Variants in CLDN10 observed in about 807,000 individuals in gnomAD.
The protein encoded by CLDN10 is claudin 10, also known as claudin-10.
A neutral mutation model predicts 22.9 loss-of-function variants in CLDN10; 15 were observed. The observed-to-expected ratio is 0.65, with a 90% CI of 0.44 to 1.01. The LOEUF (loss-of-function observed/expected upper bound fraction) is 1.01. Among genes scored for constraint, CLDN10 ranks in the 50% least tolerant of loss-of-function variants. CLDN10 has a pLI of 0.00. For synonymous variants in CLDN10, 114 were observed against 111.4 expected, an observed-to-expected ratio of 1.02 and a Z score of -0.15; for missense variants, 247 against 287.8, an observed-to-expected ratio of 0.86 and a Z score of 1.03.
chr13:95,573,631 T>C (rs760685127), intron 3 of CLDN10, among the ~76,000 whole-genome samples: 7 of 152,218 alleles, frequency 4.6e-5, no homozygotes, highest in Non-Finnish European at 8.8e-5. Flanking sequence ...CTGGAGTGGA[T>C]ATTATGTTCA....
At position 95,552,953 on chromosome 13, in the gene CLDN10, C is replaced by T. The variant is rs576857690; in HGVS notation, c.200C>T (p.Pro67Leu). 2 of 1,613,914 alleles carry T rather than the reference C, an allele frequency of 1.2e-6. No homozygotes were observed. Among genetic ancestry groups the T allele is most frequent in the Non-Finnish European group, 1.7e-6 (2 of 1,179,978 alleles). ...GGCGTCTCCAACTGCAAGGACTTCC[C>T]CTCCATGCTGGCGCTGGACGGTCTG... is the stretch of plus-strand genomic sequence containing the variant. Reference protein sequence around the residue: ...STGVSNCKDFPSMLALDGYIQ... With the variant: ...STGVSNCKDFLSMLALDGYIQ... The change falls in exon 1 of 5, where the codon CCC (proline) becomes CTC (leucine). Residue 67 changes from proline (P) to leucine (L), a missense_variant. Transcript: ENST00000299339.
At chr13:95,470,719 T>G (rs1486178828) in intron 1 of CLDN10, among the ~76,000 whole-genome samples, 1 of 152,160 alleles carries the variant, frequency 6.6e-6, no homozygotes, top group Non-Finnish European at 1.5e-5. Flanking sequence ...ACGTCCTGCC[T>G]ATTTCTGTTC....
intron 1 of CLDN10, among the ~76,000 whole-genome samples, chr13:95,494,808 A>G (rs2042910776): frequency 6.6e-6 from 1 of 152,150 alleles, no homozygotes; most frequent in Non-Finnish European, 1.5e-5. Context: ...TGGCCCCATC[A>G]TCTGACAGAT....
chr13:95,481,729 TA>T (rs1391193511), intron 1 of CLDN10, among the ~76,000 whole-genome samples: 2 of 152,146 alleles, frequency 1.3e-5, no homozygotes, highest in African/African-American at 2.4e-5. Context: ...TTTAAAAATG[TA>T]AAAACTCGAT....
chr13:95,511,821 C>CT lies in CLDN10; in HGVS notation c.215-48303dup, dbSNP rs2043103577. Among the ~76,000 whole-genome samples, 3 of 31,112 alleles carry CT rather than the reference C, an allele frequency of 9.6e-5. 1 individual carries two copies. Among genetic ancestry groups the CT allele is most frequent in the Non-Finnish European group, 2.1e-4 (3 of 14,224 alleles). The allele number at this position is 31,112 out of a possible 152,430, so 20.4% of individuals were successfully genotyped here. On this transcript the variant is annotated intron_variant, in intron 1 of 4. Coordinates refer to the CLDN10 transcript ENST00000376873. ...GTTTGTTTGTGTTCTGTTTGTATAT[C>CT]TTTTTTTTCTGACTTTTTTTCTCTT...
chr13:95,577,150 G>A, intron 3 of CLDN10, 81 bp from the exon 4 acceptor site: 1 of 875,196 alleles, frequency 1.1e-6, no homozygotes, highest in South Asian at 1.5e-5. Flanking sequence ...TAAGCATTTA[G>A]TAAATGTTGA....
chr13:95,560,193 C>T lies in CLDN10; in HGVS notation c.282C>T (p.Ser94=). The change falls in exon 2 of 5, where the codon TCC becomes TCT. Residue 94 remains serine, a synonymous_variant. Coordinates refer to ENST00000299339, the MANE Select transcript of CLDN10 (RefSeq NM_006984.5). ...IAAVSLGFFG[S]IFALFGMKCT... The stretch of plus-strand genomic sequence containing the variant: ...CTGTCAGCCTGGGCTTCTTTGGTTC[C>T]ATATTTGCGCTCTTTGGAATGAAGT... 2 of 1,614,154 alleles carry T rather than the reference C, an allele frequency of 1.2e-6. No homozygotes were observed. The highest frequency in any genetic ancestry group is 1.7e-6 in the Non-Finnish European group (2 of 1,180,000).
intron 1 of CLDN10, among the ~76,000 whole-genome samples, chr13:95,483,811 G>A (rs1036947002): frequency 5.3e-5 from 8 of 152,150 alleles, no homozygotes; most frequent in African/African-American, 1.7e-4. Flanking sequence ...GTGTGCTATG[G>A]TCTGAATATT....
chr13:95,503,132 A>G (rs1412443755), intron 1 of CLDN10, among the ~76,000 whole-genome samples: 12 of 152,158 alleles, frequency 7.9e-5, no homozygotes, highest in African/African-American at 2.9e-4. Context: ...TGTATTTTGG[A>G]TATTTGCCCA....
intron 1 of CLDN10, among the ~76,000 whole-genome samples, chr13:95,545,280 A>G (rs2043496772): frequency 6.6e-6 from 1 of 151,990 alleles, no homozygotes; most frequent in African/African-American, 2.4e-5. Flanking sequence ...ACGGTGGCTC[A>G]CACCTGTAAT....
chr13:95,514,635 C>G (rs985835189), intron 1 of CLDN10, among the ~76,000 whole-genome samples: 34 of 152,126 alleles, frequency 2.2e-4, no homozygotes, highest in African/African-American at 7.5e-4. Context: ...CACTTGTCAG[C>G]AGGTGAGAGT....
intron 1 of CLDN10, among the ~76,000 whole-genome samples, chr13:95,547,117 C>T (rs2043517850): frequency 6.7e-6 from 1 of 150,150 alleles, no homozygotes; most frequent in Admixed American, 6.7e-5. Context: ...AACTCCTAGG[C>T]TCAAGTGATC....
chr13:95,538,083 C>G (rs542154363), intron 1 of CLDN10, among the ~76,000 whole-genome samples: 1 of 149,716 alleles, frequency 6.7e-6, no homozygotes, highest in Admixed American at 6.7e-5. Flanking sequence ...AACATGACAA[C>G]AAGAGCCAAG....
intron 1 of CLDN10, among the ~76,000 whole-genome samples, chr13:95,521,355 C>T (rs1419860040): frequency 5.3e-5 from 8 of 152,180 alleles, no homozygotes; most frequent in Admixed American, 5.2e-4. Flanking sequence ...GAGTTCCTCT[C>T]TATTCCTTTT....
At position 95,444,924 on chromosome 13, in the gene CLDN10, C is replaced by T. The variant is rs749726463; in HGVS notation, c.214+10877C>T. ...ATTCTCGTGCCTCAGCACAGATGTG[C>T]ATCACCATTCCTGGCTAATTTTTGT... On this transcript the variant is annotated intron_variant, in intron 1 of 4. Coordinates refer to the CLDN10 transcript ENST00000376873. Among the ~76,000 whole-genome samples, 92 of 152,256 alleles carry T rather than the reference C, an allele frequency of 6.0e-4. 1 individual carries two copies. The highest frequency in any genetic ancestry group is 3.4e-3 in the Middle Eastern group (1 of 294).
intron 1 of CLDN10, among the ~76,000 whole-genome samples, chr13:95,439,710 G>A (rs2042306767): frequency 6.6e-6 from 1 of 151,948 alleles, no homozygotes; most frequent in African/African-American, 2.4e-5. Flanking sequence ...CTCCCAAAGG[G>A]CTCCACCTAC....
chr13:95,447,844 G>C (rs776779561), intron 1 of CLDN10, among the ~76,000 whole-genome samples: 13 of 151,966 alleles, frequency 8.6e-5, no homozygotes, highest in African/African-American at 1.2e-4. Flanking sequence ...TTCAAGTCTG[G>C]GGTGTCCGTG....
intron 1 of CLDN10, among the ~76,000 whole-genome samples, chr13:95,504,839 C>T (rs1366170038): frequency 1.3e-5 from 2 of 152,136 alleles, no homozygotes; most frequent in African/African-American, 4.8e-5. Context: ...CACTGGCCAG[C>T]TTTGCATATT....
intron 1 of CLDN10, among the ~76,000 whole-genome samples, chr13:95,439,391 T>G (rs1015796834): frequency 4.0e-5 from 6 of 151,468 alleles, no homozygotes; most frequent in Non-Finnish European, 5.9e-5. Flanking sequence ...ATTGCCCAGG[T>G]TGGAGTGCAG....
Sources: gnomAD v4.1 joint callset for allele counts (sites outside exome capture counted in the v4.1 genomes callset) on GRCh38, gnomAD v4.1.1 for gene constraint, MANE v1.5 for transcripts, NCBI Gene and HGNC (gene_info 2026-07-23, HGNC 2026-07-21) for gene names.